The following CACNA1D variants were observed in gnomAD, a reference collection of about 807,000 sequenced individuals.
The protein encoded by CACNA1D is calcium voltage-gated channel subunit alpha1 D, also known as voltage-dependent L-type calcium channel subunit alpha-1D.
In CACNA1D, 55 loss-of-function variants were observed where a neutral mutation model predicts 257.1. That is an observed-to-expected ratio of 0.21 (90% confidence interval 0.17 to 0.27). The LOEUF is 0.27. CACNA1D is among the 10% of genes least tolerant of loss of function. The pLI, the probability that CACNA1D is intolerant of heterozygous loss-of-function variation, is 1.00. For missense variants in CACNA1D, 1,876 were observed against 2,784.0 expected, an observed-to-expected ratio of 0.67 and a Z score of 7.34; for synonymous variants, 980 against 1,014.9, an observed-to-expected ratio of 0.97 and a Z score of 0.65.
At chr3:53,612,262 G>T (rs1039614115) in intron 3 of CACNA1D, among the ~76,000 whole-genome samples, 1 of 152,044 alleles carries the variant, frequency 6.6e-6, no homozygotes, top group African/African-American at 2.4e-5. Flanking sequence ...AGTAATTTTT[G>T]ATTGAATGCT....
chr3:53,591,122 T>G (rs1212885570), intron 3 of CACNA1D, among the ~76,000 whole-genome samples: 1 of 152,226 alleles, frequency 6.6e-6, no homozygotes, highest in African/African-American at 2.4e-5. Flanking sequence ...TCATCATCAC[T>G]GTTGGCGCTT....
At chr3:53,628,249 CT>C (rs1186858437) in intron 3 of CACNA1D, among the ~76,000 whole-genome samples, 1 of 152,062 alleles carries the variant, frequency 6.6e-6, no homozygotes, top group African/African-American at 2.4e-5. Context: ...TCTTTCTGTG[CT>C]TTTGCTGTTC....
chr3:53,657,631 AT>A (rs916782118), intron 4 of CACNA1D, among the ~76,000 whole-genome samples: 12 of 152,226 alleles, frequency 7.9e-5, no homozygotes, highest in African/African-American at 2.7e-4. Flanking sequence ...ACATCAGATT[AT>A]TTTTTATCTA....
chr3:53,703,402 G>A (rs763576565), intron 9 of CACNA1D, among the ~76,000 whole-genome samples: 1 of 152,188 alleles, frequency 6.6e-6, no homozygotes, highest in African/African-American at 2.4e-5. Flanking sequence ...GTGACACTAA[G>A]CACCCTAGAG....
At chr3:53,628,173 C>T (rs1366668600) in intron 3 of CACNA1D, among the ~76,000 whole-genome samples, 1 of 152,196 alleles carries the variant, frequency 6.6e-6, no homozygotes, top group Non-Finnish European at 1.5e-5. Flanking sequence ...ACCCACACTA[C>T]TATACCTTAG....
chr3:53,563,816 AAG>A (rs2092784677), intron 3 of CACNA1D, among the ~76,000 whole-genome samples: 1 of 152,278 alleles, frequency 6.6e-6, no homozygotes, highest in East Asian at 1.9e-4. Flanking sequence ...TTTTTCTAAA[AAG>A]AGATAATTCA....
chr3:53,606,245 G>T (rs930185071), intron 3 of CACNA1D, among the ~76,000 whole-genome samples: 3 of 152,188 alleles, frequency 2.0e-5, no homozygotes, highest in African/African-American at 7.2e-5. Flanking sequence ...GAGAAATGCA[G>T]AGATCCAGAT....
rs142471385 is a variant in CACNA1D at position 53,801,327 on chromosome 3, G to A, written c.5310G>A (p.Lys1770=). ...NANMSKAAHG[K]RPSIGNLEHV... The stretch of plus-strand genomic sequence containing the variant: ...ATATGTCCAAAGCTGCCCATGGAAA[G>A]CGGCCCAGCATTGGGAACCTTGAGC... The change falls in exon 42 of 48, where the codon AAG becomes AAA. Residue 1770 remains lysine, a synonymous_variant. Coordinates refer to ENST00000350061, the MANE Select transcript of CACNA1D (RefSeq NM_001128840.3). 3.1e-5 allele frequency: 50 copies of A among 1,614,200 alleles called. No homozygotes were observed. The African/African-American group carries it at 6.4e-4, about 21-fold the overall frequency.
intron 3 of CACNA1D, among the ~76,000 whole-genome samples, chr3:53,554,933 T>G (rs568418413): frequency 6.6e-6 from 1 of 152,224 alleles, no homozygotes; most frequent in Admixed American, 6.5e-5. Context: ...CCCCTGACTC[T>G]CATACATTGA....
intron 38 of CACNA1D, among the ~76,000 whole-genome samples, chr3:53,780,627 G>A (rs757377792): frequency 5.9e-5 from 9 of 152,174 alleles, no homozygotes; most frequent in Non-Finnish European, 1.0e-4. Context: ...AAATATAGTG[G>A]GATCAGCATC....
chr3:53,781,002 G>C (rs1576645737), intron 38 of CACNA1D, among the ~76,000 whole-genome samples: 1 of 152,252 alleles, frequency 6.6e-6, no homozygotes, highest in East Asian at 1.9e-4. Flanking sequence ...TAGCATGCTT[G>C]TCTGTACCTG....
At chr3:53,637,349 C>T (rs925041371) in intron 3 of CACNA1D, among the ~76,000 whole-genome samples, 1 of 152,192 alleles carries the variant, frequency 6.6e-6, no homozygotes, top group Admixed American at 6.5e-5. Context: ...TCTTTCTTGC[C>T]CTCACATGTG....
At chr3:53,548,205 T>C (rs1490624491) in intron 3 of CACNA1D, among the ~76,000 whole-genome samples, 1 of 152,190 alleles carries the variant, frequency 6.6e-6, no homozygotes, top group Non-Finnish European at 1.5e-5. Flanking sequence ...GCAGAATGGT[T>C]AGAAAGTACT....
At chr3:53,721,266 C>T (rs77956868) in intron 11 of CACNA1D, among the ~76,000 whole-genome samples, 2,066 of 152,350 alleles carry the variant, frequency 0.014, 55 homozygotes, top group African/African-American at 0.046. Flanking sequence ...AACTCTTTCT[C>T]TGCTCACTTC....
In CACNA1D at chr3:53,495,510, T is replaced by A. The variant is rs2090305706; in HGVS notation, c.67+277T>A. Among the ~76,000 whole-genome samples the A allele has an allele frequency of 6.6e-6, 1 of 151,854 alleles. No homozygotes were observed. The highest frequency in any genetic ancestry group is 2.4e-5 in the African/African-American group (1 of 41,316). On this transcript the variant is annotated intron_variant, in intron 1 of 47. Transcript: ENST00000350061. This position sits in a 1 kb window ranked among gnomAD's most constrained non-coding sequence, Gnocchi z 5.1. ...CGGAGGGGCGGCGAGTCGGGGTGATTCGGGTTCAGTGTCCTCGGGCTCAAC... is the reference window on the plus strand; with the variant it reads ...CGGAGGGGCGGCGAGTCGGGGTGATACGGGTTCAGTGTCCTCGGGCTCAAC...
At position 53,762,538 on chromosome 3, in the gene CACNA1D, C is replaced by T. The variant is rs529441889; in HGVS notation, c.3870+457C>T. ...TCCTCTCCTCTGTGGCTTCTGAATG[C>T]TTGCCCTAACAGCACTATTTCACTG... On this transcript the variant is annotated intron_variant, in intron 30 of 47. Transcript: ENST00000350061. 140 of 457,262 alleles carry T rather than the reference C, an allele frequency of 3.1e-4. 1 individual carries two copies. Among genetic ancestry groups the T allele is most frequent in the Admixed American group, 1.7e-3 (71 of 42,558 alleles). The allele number at this position is 457,262 out of a possible 1,614,324, so 28.3% of individuals were successfully genotyped here.
intron 30 of CACNA1D, chr3:53,762,452 G>A (rs935364189): frequency 8.8e-5 from 38 of 431,232 alleles, no homozygotes; most frequent in South Asian, 3.9e-4. Context: ...GCCGTGTGGC[G>A]CGATGCTAGA....
chr3:53,665,900 C>T, intron 6 of CACNA1D, 88 bp downstream of exon 6: 3 of 1,085,346 alleles, frequency 2.8e-6, no homozygotes, highest in Non-Finnish European at 4.2e-6. Context: ...AAATCTAAAA[C>T]AAAATAGGAA....
intron 21 of CACNA1D, 137 bp downstream of exon 21, chr3:53,740,476 A>G (rs762799930): frequency 1.4e-6 from 1 of 728,322 alleles, no homozygotes; most frequent in Non-Finnish European, 2.5e-6. Flanking sequence ...GATCATTTTA[A>G]AGGTAACAGG....
Sources: allele counts gnomAD v4.1 joint callset (sites outside exome capture counted in the v4.1 genomes callset), GRCh38; gene constraint gnomAD v4.1.1; non-coding constraint Gnocchi (gnomAD v3.1); transcripts MANE v1.5; gene names NCBI Gene and HGNC (gene_info 2026-07-23, HGNC 2026-07-21).